The following NREP variants were observed in gnomAD, a reference collection of about 807,000 sequenced individuals.
NREP encodes neuronal regeneration-related protein.
NREP carries 5 observed loss-of-function variants against 8.6 expected under a neutral mutation model. The observed-to-expected ratio is 0.58, with a 90% confidence interval of 0.30 to 1.22. NREP has a LOEUF of 1.22. Ranked by LOEUF, NREP falls within the 50% of genes most tolerant of loss-of-function variation. The pLI is 0.07. For missense variants in NREP, 86 were observed against 82.5 expected (o/e 1.04, Z -0.17); for synonymous variants, 27 against 28.0 (o/e 0.96, Z 0.11).
chr5:111,971,257 C>T (rs1427886654), intron 2 of NREP, among the ~76,000 whole-genome samples: 1 of 152,122 alleles, frequency 6.6e-6, no homozygotes, highest in Admixed American at 6.5e-5. Context: ...TATGTCTCCC[C>T]ATCCATATAC....
At chr5:111,924,126 C>G (rs1176056844) in intron 2 of NREP, among the ~76,000 whole-genome samples, 1 of 152,122 alleles carries the variant, frequency 6.6e-6, no homozygotes, top group Non-Finnish European at 1.5e-5. Context: ...CTTCAGATAA[C>G]ACTAAACCCG....
At chr5:111,935,319 C>T (rs577590419) in intron 2 of NREP, among the ~76,000 whole-genome samples, 1 of 152,044 alleles carries the variant, frequency 6.6e-6, no homozygotes, top group Non-Finnish European at 1.5e-5. Context: ...GATCAACTTA[C>T]CCCAGCACGG....
intron 2 of NREP, among the ~76,000 whole-genome samples, chr5:111,861,578 A>G (rs1753544980): frequency 6.6e-6 from 1 of 152,086 alleles, no homozygotes; most frequent in Non-Finnish European, 1.5e-5. Flanking sequence ...CATAACAAAC[A>G]TTACTGTGTC....
chr5:111,803,999 C>T (rs10074999), intron 2 of NREP, among the ~76,000 whole-genome samples: 113,729 of 152,008 alleles, frequency 0.75, 43,037 homozygotes, highest in East Asian at 0.95. Context: ...ACTAGTAGTC[C>T]CTTTTTTCCC....
At chr5:111,898,577 G>C (rs1375971493) in intron 2 of NREP, among the ~76,000 whole-genome samples, 1 of 152,160 alleles carries the variant, frequency 6.6e-6, no homozygotes, top group East Asian at 1.9e-4. Context: ...TTAGACCAGA[G>C]ACAGGAATTT....
intron 2 of NREP, among the ~76,000 whole-genome samples, chr5:111,883,088 C>G (rs200381867): frequency 5.3e-5 from 8 of 151,650 alleles, no homozygotes; most frequent in Admixed American, 4.6e-4. Flanking sequence ...AGCCATCTCA[C>G]GTGCAGAGAC....
intron 2 of NREP, among the ~76,000 whole-genome samples, chr5:111,959,006 T>A (rs945407387): frequency 4.6e-5 from 7 of 151,800 alleles, no homozygotes; most frequent in Non-Finnish European, 8.8e-5. Context: ...TACATTTGGT[T>A]TTCAGAAAGA....
intron 2 of NREP, among the ~76,000 whole-genome samples, chr5:111,802,848 C>G (rs1393982651): frequency 6.6e-6 from 1 of 152,116 alleles, no homozygotes; most frequent in Non-Finnish European, 1.5e-5. Flanking sequence ...TTGCAAGGGA[C>G]TATGAGCTCC....
chr5:111,886,401 G>A (rs1414382016), intron 2 of NREP, among the ~76,000 whole-genome samples: 1 of 152,112 alleles, frequency 6.6e-6, no homozygotes, highest in African/African-American at 2.4e-5. Flanking sequence ...AGCCATTGTG[G>A]AAGTCAGTGT....
At chr5:111,948,602 C>A (rs1756061628) in intron 2 of NREP, among the ~76,000 whole-genome samples, 1 of 152,048 alleles carries the variant, frequency 6.6e-6, no homozygotes, top group African/African-American at 2.4e-5. Context: ...AACGGCCATG[C>A]AAAAGTGAGT....
intron 2 of NREP, among the ~76,000 whole-genome samples, chr5:111,836,704 G>A (rs1031664985): frequency 1.3e-5 from 2 of 152,014 alleles, no homozygotes; most frequent in African/African-American, 2.4e-5. Flanking sequence ...AGCTGGCAGT[G>A]GTTGTGACAT....
chr5:111,912,122 T>C (rs901709432), intron 2 of NREP, among the ~76,000 whole-genome samples: 1 of 152,128 alleles, frequency 6.6e-6, no homozygotes, highest in African/African-American at 2.4e-5. Flanking sequence ...AATTAGAGCA[T>C]TCCTTGAACT....
chr5:111,734,170 C>T (rs923243540), intron 3 of NREP: 3 of 152,558 alleles, frequency 2.0e-5, no homozygotes, highest in Non-Finnish European at 4.4e-5. Flanking sequence ...TAGTCTTGCC[C>T]CTCTGGTTTA....
chr5:111,914,469 T>C (rs918019559), intron 2 of NREP, among the ~76,000 whole-genome samples: 3 of 152,136 alleles, frequency 2.0e-5, no homozygotes, highest in African/African-American at 7.2e-5. Flanking sequence ...CCTCCTTCCT[T>C]TGTTCTCCTC....
chr5:111,844,592 A>G (rs1753112058), intron 2 of NREP, among the ~76,000 whole-genome samples: 1 of 149,326 alleles, frequency 6.7e-6, no homozygotes, highest in South Asian at 2.1e-4. Context: ...ATTTATTTCA[A>G]GATTTATTTT....
chr5:111,804,940 G>A (rs542273181), intron 2 of NREP, among the ~76,000 whole-genome samples: 106 of 152,312 alleles, frequency 7.0e-4, no homozygotes, highest in Admixed American at 5.0e-3. Context: ...GGCAGAGCTT[G>A]CAGTGAGCCG....
At chr5:111,820,706 G>C (rs1436789735) in intron 2 of NREP, among the ~76,000 whole-genome samples, 1 of 152,050 alleles carries the variant, frequency 6.6e-6, no homozygotes, top group African/African-American at 2.4e-5. Context: ...AGTGTGATCT[G>C]TCTGCCTTTA....
At chr5:111,921,595 G>C (rs1561347426) in intron 2 of NREP, among the ~76,000 whole-genome samples, 1 of 152,144 alleles carries the variant, frequency 6.6e-6, no homozygotes, top group African/African-American at 2.4e-5. Flanking sequence ...AGTATCAATG[G>C]TTCGGGCAAT....
intron 2 of NREP, among the ~76,000 whole-genome samples, chr5:111,936,897 C>T (rs150587155): frequency 3.6e-4 from 55 of 152,178 alleles, no homozygotes; most frequent in African/African-American, 1.1e-3. Flanking sequence ...TATTTTCATG[C>T]GCAAGAACCG....
Sources: allele counts gnomAD v4.1 joint callset (sites outside exome capture counted in the v4.1 genomes callset), GRCh38; gene constraint gnomAD v4.1.1; transcripts MANE v1.5; gene names NCBI Gene and HGNC (gene_info 2026-07-23, HGNC 2026-07-21).